RANBP2: variants seen among roughly 807,000 people sequenced by gnomAD.
RANBP2 encodes the protein RAN binding protein 2.
In RANBP2, 57 loss-of-function variants were observed where a neutral mutation model predicts 303.6. The observed-to-expected ratio is 0.19, with a 90% confidence interval of 0.15 to 0.23. RANBP2 has a LOEUF of 0.23. Ranked by LOEUF, RANBP2 falls within the 10% of genes least tolerant of loss-of-function variation. The pLI is 1.00. For synonymous variants in RANBP2, 1,167 were observed against 1,301.5 expected (o/e 0.90, Z 2.23); for missense variants, 3,138 against 3,780.8 (o/e 0.83, Z 4.46).
chr2:108,902,114 T>C, the RANBP2 span, among the ~76,000 whole-genome samples: 2 of 151,526 alleles, frequency 1.3e-5, no homozygotes, highest in African/African-American at 4.9e-5. Context: ...GGCATGCACA[T>C]GTAATCCCAG....
the RANBP2 span, among the ~76,000 whole-genome samples, chr2:109,165,976 C>G: frequency 6.6e-6 from 1 of 151,994 alleles, no homozygotes; most frequent in Non-Finnish European, 1.5e-5. Context: ...TCCTTTTTTT[C>G]CCGCTGCTAT....
chr2:109,656,862 A>G, the RANBP2 span, among the ~76,000 whole-genome samples: 1 of 152,372 alleles, frequency 6.6e-6, no homozygotes, highest in Non-Finnish European at 1.5e-5. Flanking sequence ...GATGAAGCAC[A>G]GTGTACTGAG....
chr2:109,330,925 G>C, the RANBP2 span, among the ~76,000 whole-genome samples: 1 of 152,218 alleles, frequency 6.6e-6, no homozygotes, highest in Non-Finnish European at 1.5e-5. Context: ...ACCTTGCACA[G>C]TGTGTGCAGT....
chr2:108,815,382 C>A, the RANBP2 span, among the ~76,000 whole-genome samples: 2 of 150,230 alleles, frequency 1.3e-5, no homozygotes, highest in African/African-American at 4.9e-5. Flanking sequence ...GTTATTCCAA[C>A]TTCCTGATTA....
At chr2:109,312,712 T>A in the RANBP2 span, among the ~76,000 whole-genome samples, 2 of 152,248 alleles carry the variant, frequency 1.3e-5, no homozygotes, top group Non-Finnish European at 2.9e-5. Context: ...TCCATTCCCC[T>A]CTATAGCTGA....
the RANBP2 span, chr2:109,565,914 A>G: frequency 7.0e-7 from 1 of 1,419,360 alleles, no homozygotes; most frequent in South Asian, 1.1e-5. Flanking sequence ...CTGACTAGAT[A>G]AAATAAATTT....
At chr2:109,679,083 A>C in the RANBP2 span, among the ~76,000 whole-genome samples, 5 of 152,326 alleles carry the variant, frequency 3.3e-5, no homozygotes, top group African/African-American at 1.2e-4. Context: ...AAGGCACATC[A>C]CAGCCTTCCT....
intron 23 of RANBP2, among the ~76,000 whole-genome samples, chr2:108,773,660 T>TGG (rs869057589): frequency 5.4e-5 from 8 of 149,516 alleles, no homozygotes; most frequent in Non-Finnish European, 5.9e-5. Flanking sequence ...TTTTTTTTTT[T>TGG]GGGGGGGGAT....
the RANBP2 span, among the ~76,000 whole-genome samples, chr2:109,209,384 G>A: frequency 1.4e-4 from 22 of 152,318 alleles, no homozygotes; most frequent in Middle Eastern, 3.4e-3. Flanking sequence ...GATGCCCTGA[G>A]TGATAGTGTT....
At chr2:109,702,146 G>A in the RANBP2 span, among the ~76,000 whole-genome samples, 115 of 152,332 alleles carry the variant, frequency 7.5e-4, no homozygotes, top group African/African-American at 2.7e-3. Flanking sequence ...GCAGCCCCAC[G>A]TGAGTGTGAC....
At chr2:109,158,237 G>A in the RANBP2 span, among the ~76,000 whole-genome samples, 1 of 152,196 alleles carries the variant, frequency 6.6e-6, no homozygotes, top group Non-Finnish European at 1.5e-5. Flanking sequence ...AGGCTCCTGT[G>A]GATGACTGAC....
the RANBP2 span, among the ~76,000 whole-genome samples, chr2:109,602,447 G>A: frequency 1.3e-5 from 2 of 152,028 alleles, no homozygotes; most frequent in African/African-American, 4.8e-5. Context: ...AGGCCAAGGC[G>A]GGTGGATCAC....
chr2:109,357,348 A>G, the RANBP2 span, among the ~76,000 whole-genome samples: 1 of 152,034 alleles, frequency 6.6e-6, no homozygotes, highest in Non-Finnish European at 1.5e-5. Context: ...TGCCCGGATA[A>G]TTTTGTGTAT....
the RANBP2 span, among the ~76,000 whole-genome samples, chr2:109,109,233 G>A: frequency 6.6e-6 from 1 of 152,164 alleles, no homozygotes; most frequent in Non-Finnish European, 1.5e-5. Flanking sequence ...TGAAAAGCAG[G>A]GCACCTTTCC....
chr2:108,838,285 G>GT, the RANBP2 span, among the ~76,000 whole-genome samples: 7 of 152,064 alleles, frequency 4.6e-5, no homozygotes, highest in Non-Finnish European at 1.0e-4. Context: ...AACTGGAAAG[G>GT]TTTTTTAAGA....
chr2:109,479,493 G>A, the RANBP2 span, among the ~76,000 whole-genome samples: 84 of 152,214 alleles, frequency 5.5e-4, no homozygotes, highest in Non-Finnish European at 9.4e-4. Flanking sequence ...AATTAAGTGC[G>A]AAAATAAGTT....
At chr2:109,620,482 G>A in the RANBP2 span, among the ~76,000 whole-genome samples, 3 of 152,140 alleles carry the variant, frequency 2.0e-5, no homozygotes, top group Admixed American at 1.3e-4. Flanking sequence ...CAGGAGCATC[G>A]CCTGAGGTCA....
At chr2:109,706,628 C>T in the RANBP2 span, among the ~76,000 whole-genome samples, 1 of 152,164 alleles carries the variant, frequency 6.6e-6, no homozygotes, top group Non-Finnish European at 1.5e-5. Flanking sequence ...ATTGTCTGTC[C>T]CCCACTTCTT....
the RANBP2 span, among the ~76,000 whole-genome samples, chr2:109,559,662 A>G: frequency 2.0e-5 from 3 of 152,230 alleles, no homozygotes; most frequent in Middle Eastern, 6.8e-3. Flanking sequence ...CCCCCATGGG[A>G]TACAGTCTTG....
Sources: gnomAD v4.1 joint callset for allele counts (sites outside exome capture counted in the v4.1 genomes callset) on GRCh38, gnomAD v4.1.1 for gene constraint, MANE v1.5 for transcripts, NCBI Gene and HGNC (gene_info 2026-07-23, HGNC 2026-07-21) for gene names.